TMOD3: variants seen among roughly 807,000 people sequenced by gnomAD.
TMOD3 encodes the protein tropomodulin 3, also known as tropomodulin-3.
In TMOD3, 20 loss-of-function variants were observed where a neutral mutation model predicts 39.2. The ratio of observed to expected loss-of-function variants is 0.51; its 90% CI spans 0.36 to 0.74. The LOEUF (loss-of-function observed/expected upper bound fraction) is 0.74. Among genes scored for constraint, TMOD3 ranks in the 30% least tolerant of loss-of-function variants. The pLI, the probability that TMOD3 is intolerant of heterozygous loss-of-function variation, is 0.00. For synonymous variants in TMOD3, 143 were observed against 145.8 expected, an observed-to-expected ratio of 0.98 and a Z score of 0.14; for missense variants, 381 against 412.8, an observed-to-expected ratio of 0.92 and a Z score of 0.67.
intron 1 of TMOD3, among the ~76,000 whole-genome samples, chr15:51,834,514 C>T (rs770852140): frequency 7.9e-5 from 12 of 151,882 alleles, no homozygotes; most frequent in Non-Finnish European, 1.6e-4. Context: ...CTAGTTGTTC[C>T]AGCAACATAG....
intron 3 of TMOD3, among the ~76,000 whole-genome samples, chr15:51,876,021 T>C (rs954736880): frequency 6.6e-6 from 1 of 152,226 alleles, no homozygotes; most frequent in Admixed American, 6.5e-5. Context: ...CCTTTTGTTA[T>C]AATGAAATGA....
chr15:51,904,258 A>C (rs973619836), intron 9 of TMOD3, among the ~76,000 whole-genome samples: 2 of 152,230 alleles, frequency 1.3e-5, no homozygotes, highest in Non-Finnish European at 2.9e-5. Context: ...CCTTTTACTC[A>C]GAAAACTAAT....
chr15:51,885,805 A>G (rs2056558315), intron 3 of TMOD3, among the ~76,000 whole-genome samples: 2 of 152,128 alleles, frequency 1.3e-5, no homozygotes, highest in Non-Finnish European at 2.9e-5. Context: ...GCTGCTGGGT[A>G]CACCTCCCAG....
chr15:51,884,381 G>A (rs945872027), intron 3 of TMOD3, among the ~76,000 whole-genome samples: 2 of 152,164 alleles, frequency 1.3e-5, no homozygotes, highest in Non-Finnish European at 2.9e-5. Context: ...TGAAATGTTC[G>A]GGGGATTAAG....
intron 4 of TMOD3, among the ~76,000 whole-genome samples, chr15:51,888,834 A>G (rs2056578440): frequency 6.6e-6 from 1 of 152,130 alleles, no homozygotes; most frequent in South Asian, 2.1e-4. Context: ...TGAATTTGGA[A>G]ATGTGGGGAA....
chr15:51,837,134 A>T (rs2056289716), intron 1 of TMOD3, among the ~76,000 whole-genome samples: 1 of 152,182 alleles, frequency 6.6e-6, no homozygotes, highest in African/African-American at 2.4e-5. Flanking sequence ...ATAGCATAGC[A>T]ATTCTTTTGA....
chr15:51,851,332 A>G (rs1275092082), intron 1 of TMOD3, among the ~76,000 whole-genome samples: 1 of 152,230 alleles, frequency 6.6e-6, no homozygotes, highest in Non-Finnish European at 1.5e-5. Context: ...GCAATTGTGT[A>G]AAAATTTTTT....
At chr15:51,856,988 A>T (rs1005405872) in intron 1 of TMOD3, among the ~76,000 whole-genome samples, 3 of 152,236 alleles carry the variant, frequency 2.0e-5, no homozygotes, top group East Asian at 1.9e-4. Context: ...TTTATAGCAG[A>T]GAAATAGAGG....
chr15:51,905,875 C>T lies in TMOD3; in HGVS notation c.1025-2901C>T, dbSNP rs933474036. ...AGGAGAATGGCGTGAACCCGGGAAG[C>T]GGAGCTTGCAGTGAGCCGAGATTGC... is the stretch of plus-strand genomic sequence containing the variant. On this transcript the variant is annotated intron_variant, in intron 9 of 9. Transcript: ENST00000308580. 6.2e-5 allele frequency among the ~76,000 whole-genome samples: 8 copies of T among 128,770 alleles called. No homozygotes were observed. In the East Asian group the frequency reaches 1.5e-3, roughly 25 times the overall value. 84.5% of individuals were successfully genotyped at this position (128,770 alleles called of 152,430 possible).
At chr15:51,901,131 A>G (rs1410768317) in intron 8 of TMOD3, 1 of 152,202 alleles carries the variant, frequency 6.6e-6, no homozygotes, top group African/African-American at 2.4e-5. Context: ...GGCTTCTTTC[A>G]CCTGGCATAA....
At chr15:51,871,582 C>T (rs184056447) in intron 3 of TMOD3, among the ~76,000 whole-genome samples, 36 of 152,248 alleles carry the variant, frequency 2.4e-4, no homozygotes, top group South Asian at 4.2e-4. Flanking sequence ...AGGCTAACCC[C>T]GGAAGCTTCC....
intron 3 of TMOD3, among the ~76,000 whole-genome samples, chr15:51,877,075 GAA>G (rs769739229): frequency 6.6e-6 from 1 of 151,942 alleles, no homozygotes; most frequent in South Asian, 2.1e-4. Context: ...AAAAAATAAA[GAA>G]AAAGTCTTCT....
chr15:51,860,157 G>A (rs933834442), intron 1 of TMOD3: 50 of 470,830 alleles, frequency 1.1e-4, no homozygotes, highest in East Asian at 1.6e-4. Context: ...TCACCTTGCC[G>A]CATAATCCCA....
At chr15:51,894,955 A>T (rs543311790) in intron 6 of TMOD3, among the ~76,000 whole-genome samples, 22 of 152,348 alleles carry the variant, frequency 1.4e-4, no homozygotes, top group African/African-American at 5.3e-4. Context: ...GTAAGGAAAG[A>T]AGAAATTAGG....
chr15:51,842,847 C>G (rs562028117), intron 1 of TMOD3, among the ~76,000 whole-genome samples: 1 of 152,178 alleles, frequency 6.6e-6, no homozygotes, highest in Non-Finnish European at 1.5e-5. Flanking sequence ...ATTGTAACTA[C>G]TACTCCCTTT....
At chr15:51,834,258 T>C (rs751160224) in intron 1 of TMOD3, among the ~76,000 whole-genome samples, 5 of 152,156 alleles carry the variant, frequency 3.3e-5, no homozygotes, top group Non-Finnish European at 5.9e-5. Context: ...CTCAATGATA[T>C]TGTGATGAGC....
chr15:51,851,493 T>C (rs2056361792), intron 1 of TMOD3, among the ~76,000 whole-genome samples: 1 of 152,216 alleles, frequency 6.6e-6, no homozygotes, highest in Non-Finnish European at 1.5e-5. Context: ...ATTTAGTAAC[T>C]TTTGATTGGT....
Position 51,869,276 on chromosome 15 carries a change from G to A in TMOD3, c.186G>A (p.Gly62=). 6.2e-7 allele frequency: 1 copy of A among 1,614,146 alleles called. No individual in the cohort carries two copies. The highest frequency in any genetic ancestry group is 8.5e-7 in the Non-Finnish European group (1 of 1,180,018). ...QKNQTSKSTT[G]PFDREHLLSY... ...ACCAGACATCAAAGTCCACCACAGG[G>A]CCATTTGATAGAGAGCATCTCCTTT... The change falls in exon 3 of 10, where the codon GGG becomes GGA. Residue 62 remains glycine, a synonymous_variant. Transcript: ENST00000308580.
intron 2 of TMOD3, among the ~76,000 whole-genome samples, chr15:51,864,651 A>G (rs907253136): frequency 2.6e-5 from 4 of 152,162 alleles, no homozygotes; most frequent in Non-Finnish European, 2.9e-5. Context: ...TTGTGGTTCA[A>G]TGGGAATGAA....
Sources: allele counts gnomAD v4.1 joint callset (sites outside exome capture counted in the v4.1 genomes callset), GRCh38; gene constraint gnomAD v4.1.1; transcripts MANE v1.5; gene names NCBI Gene and HGNC (gene_info 2026-07-23, HGNC 2026-07-21).